The following ZNF804B variants were observed in gnomAD, a reference collection of about 807,000 sequenced individuals.
ZNF804B encodes the protein zinc finger 804B.
In ZNF804B, 80 loss-of-function variants were observed where a neutral mutation model predicts 101.4. The observed-to-expected ratio is 0.79, with a 90% CI of 0.66 to 0.95. The LOEUF is 0.95. ZNF804B is among the 40% of genes least tolerant of loss of function. The probability of loss-of-function intolerance (pLI) is 0.00; values close to 1 mark genes in which losing one functional copy is unlikely to be tolerated. For missense variants in ZNF804B, 1,673 were observed against 1,561.9 expected (o/e 1.07, Z -1.20); for synonymous variants, 622 against 558.8 (o/e 1.11, Z -1.59).
At position 88,872,169 on chromosome 7, in the gene ZNF804B, T is replaced by A. The variant is rs1177239635; in HGVS notation, c.108+112085T>A. On this transcript the variant is annotated intron_variant, in intron 1 of 3. Transcript: ENST00000333190. ...ATTTTGTGTATCTTATTTATTGAAA[T>A]GCTATAAAATAGGCAAACACATTTA... Among the ~76,000 whole-genome samples, 34 of 152,214 alleles carry A rather than the reference T, an allele frequency of 2.2e-4. 1 individual carries two copies. Among genetic ancestry groups the A allele is most frequent in the Admixed American group, 2.2e-3 (33 of 15,280 alleles).
At chr7:89,226,354 A>G (rs1562922252) in intron 2 of ZNF804B, among the ~76,000 whole-genome samples, 1 of 152,096 alleles carries the variant, frequency 6.6e-6, no homozygotes, top group African/African-American at 2.4e-5. Context: ...TAAACATACA[A>G]TGAAGAGAGA....
chr7:88,846,321 A>G (rs561055411), intron 1 of ZNF804B, among the ~76,000 whole-genome samples: 1 of 152,320 alleles, frequency 6.6e-6, no homozygotes, highest in East Asian at 1.9e-4. Flanking sequence ...CTATGTGCCA[A>G]AAAAGAATAT....
intron 1 of ZNF804B, among the ~76,000 whole-genome samples, chr7:88,867,450 A>G (rs935253980): frequency 1.3e-5 from 2 of 152,220 alleles, no homozygotes; most frequent in Non-Finnish European, 2.9e-5. Flanking sequence ...CAGATCCAAG[A>G]AAGAGTAAAC....
At chr7:89,098,327 A>G (rs1017739749) in intron 1 of ZNF804B, among the ~76,000 whole-genome samples, 1 of 150,144 alleles carries the variant, frequency 6.7e-6, no homozygotes, top group Admixed American at 6.7e-5. Context: ...GCTGGAGTGC[A>G]GTGGTATGAT....
intron 1 of ZNF804B, among the ~76,000 whole-genome samples, chr7:88,958,778 A>G (rs986643090): frequency 3.3e-5 from 5 of 151,360 alleles, no homozygotes; most frequent in Non-Finnish European, 7.4e-5. Context: ...ATTATTCATT[A>G]CCCTTCACTT....
intron 1 of ZNF804B, among the ~76,000 whole-genome samples, chr7:89,062,984 G>A (rs1309323303): frequency 1.3e-5 from 2 of 152,042 alleles, no homozygotes; most frequent in Non-Finnish European, 2.9e-5. Flanking sequence ...CCTTAGGATA[G>A]GTGTACCTTC....
At chr7:89,231,331 C>T (rs1789187908) in intron 2 of ZNF804B, among the ~76,000 whole-genome samples, 1 of 151,974 alleles carries the variant, frequency 6.6e-6, no homozygotes, top group African/African-American at 2.4e-5. Context: ...ATGCCATTAC[C>T]ACGCTATCTT....
chr7:88,860,542 G>A (rs1791630275), intron 1 of ZNF804B, among the ~76,000 whole-genome samples: 1 of 152,010 alleles, frequency 6.6e-6, no homozygotes, highest in Admixed American at 6.6e-5. Context: ...TTGGATCAAA[G>A]CAACTTACCC....
intron 1 of ZNF804B, among the ~76,000 whole-genome samples, chr7:88,789,519 A>G (rs1271261226): frequency 5.3e-5 from 8 of 152,134 alleles, no homozygotes; most frequent in African/African-American, 1.7e-4. Flanking sequence ...TATCTGTGGA[A>G]TAAGAGGAGT....
chr7:88,841,177 C>T (rs79007966), intron 1 of ZNF804B, among the ~76,000 whole-genome samples: 3,931 of 152,262 alleles, frequency 0.026, 131 homozygotes, highest in African/African-American at 0.072. Flanking sequence ...ATTTACATCA[C>T]ACATAATAGG....
intron 1 of ZNF804B, among the ~76,000 whole-genome samples, chr7:88,875,510 C>A (rs2115892030): frequency 6.6e-6 from 1 of 152,098 alleles, no homozygotes; most frequent in East Asian, 1.9e-4. Context: ...TACAAACTAC[C>A]ATCAGAGAAT....
At chr7:88,959,972 A>C (rs1203957341) in intron 1 of ZNF804B, among the ~76,000 whole-genome samples, 1 of 151,382 alleles carries the variant, frequency 6.6e-6, no homozygotes, top group Non-Finnish European at 1.5e-5. Flanking sequence ...CTCCTTGTAC[A>C]CAAAAATTAG....
At chr7:88,939,559 T>A (rs1295839937) in intron 1 of ZNF804B, among the ~76,000 whole-genome samples, 1 of 151,906 alleles carries the variant, frequency 6.6e-6, no homozygotes, top group Non-Finnish European at 1.5e-5. Context: ...GTGTTGGAAA[T>A]GAATCTATCA....
rs552256696 is a variant in ZNF804B at position 89,163,789 on chromosome 7, A to C, written c.109-54366A>C. Among the ~76,000 whole-genome samples the C allele has an allele frequency of 5.3e-5, 8 of 152,240 alleles. No homozygotes were observed. The South Asian group carries it at 1.7e-3, about 32-fold the overall frequency. ...ATTTTCTGCATAGATCTTCAGTTGA[A>C]AAGAGACAATAATTCTAAATGCAGG... On this transcript the variant is annotated intron_variant, in intron 1 of 3. Coordinates refer to ENST00000333190, the MANE Select transcript of ZNF804B (RefSeq NM_181646.5).
chr7:88,889,930 C>G (rs940476666), intron 1 of ZNF804B, among the ~76,000 whole-genome samples: 1 of 152,120 alleles, frequency 6.6e-6, no homozygotes, highest in Non-Finnish European at 1.5e-5. Flanking sequence ...CATCTTTCAT[C>G]CTTCTTCAGT....
At chr7:88,841,508 A>G (rs1791291590) in intron 1 of ZNF804B, among the ~76,000 whole-genome samples, 1 of 152,158 alleles carries the variant, frequency 6.6e-6, no homozygotes. Flanking sequence ...TCTTGACTCC[A>G]CTGGGAGAAG....
intron 1 of ZNF804B, among the ~76,000 whole-genome samples, chr7:88,951,730 A>G (rs1174050724): frequency 6.6e-6 from 1 of 151,858 alleles, no homozygotes; most frequent in Non-Finnish European, 1.5e-5. Context: ...TGACCATCAG[A>G]CACTCACCAA....
chr7:88,935,954 TTC>T (rs1021586376), intron 1 of ZNF804B, among the ~76,000 whole-genome samples: 22 of 151,472 alleles, frequency 1.5e-4, no homozygotes, highest in African/African-American at 4.8e-4. Flanking sequence ...TCTTTCATCT[TTC>T]TGTTTTCCGA....
At chr7:89,211,212 C>T (rs374561931) in intron 1 of ZNF804B, among the ~76,000 whole-genome samples, 65 of 151,812 alleles carry the variant, frequency 4.3e-4, no homozygotes, top group Non-Finnish European at 1.9e-4. Context: ...CTTGTTAATT[C>T]GTTTAAGTTA....
Sources: allele counts gnomAD v4.1 joint callset (sites outside exome capture counted in the v4.1 genomes callset), GRCh38; gene constraint gnomAD v4.1.1; transcripts MANE v1.5; gene names NCBI Gene and HGNC (gene_info 2026-07-23, HGNC 2026-07-21).